PHTF1: variants seen among roughly 807,000 people sequenced by gnomAD.
The protein encoded by PHTF1 is protein PHTF1.
PHTF1 carries 88 observed loss-of-function variants against 102.4 expected under a neutral mutation model. That is an observed-to-expected ratio of 0.86 (90% CI 0.72 to 1.03). The LOEUF is 1.03. Among genes scored for constraint, PHTF1 ranks in the 50% least tolerant of loss-of-function variants. The pLI is 0.00. For missense variants in PHTF1, 814 were observed against 909.5 expected (o/e 0.89, Z 1.35); for synonymous variants, 289 against 305.2 (o/e 0.95, Z 0.55).
At chr1:113,751,955 C>T (rs1242316303) in intron 3 of PHTF1, among the ~76,000 whole-genome samples, 1 of 152,168 alleles carries the variant, frequency 6.6e-6, no homozygotes, top group Admixed American at 6.5e-5. Context: ...TCTTCCAACA[C>T]TATTCTTTTT....
intron 6 of PHTF1, 119 bp from the exon 7 acceptor site, chr1:113,725,012 T>C: frequency 1.4e-6 from 1 of 716,948 alleles, no homozygotes; most frequent in Non-Finnish European, 2.2e-6. Flanking sequence ...ATAGTTTAAC[T>C]TCATATTCTG....
At chr1:113,706,851 C>CTTTTTTTTTTTTTTTTTT (rs11363653) in intron 11 of PHTF1, 129 bp from the exon 12 acceptor site, 1 of 202,536 alleles carries the variant, frequency 4.9e-6, no homozygotes, top group Admixed American at 8.7e-5. Flanking sequence ...TTCTTTCTTT[C>CTTTTTTTTTTTTTTTTTT]TTTTTTTTTT....
chr1:113,703,246 AATGT>A (rs1323135528), intron 15 of PHTF1, among the ~76,000 whole-genome samples: 3 of 152,246 alleles, frequency 2.0e-5, no homozygotes, highest in Non-Finnish European at 4.4e-5. Flanking sequence ...AATAAAACTG[AATGT>A]ATGCTGGATA....
intron 3 of PHTF1, among the ~76,000 whole-genome samples, chr1:113,746,531 T>C (rs998829054): frequency 1.1e-4 from 17 of 152,198 alleles, no homozygotes; most frequent in African/African-American, 4.1e-4. Context: ...TTACAGGTAG[T>C]GAATAATTAG....
chr1:113,759,646 T>C (rs1204154049), upstream of PHTF1, among the ~76,000 whole-genome samples: 1 of 152,210 alleles, frequency 6.6e-6, no homozygotes, highest in Non-Finnish European at 1.5e-5. Context: ...TCGCGCGGCA[T>C]ATCGATGGCC....
chr1:113,750,844 C>CAAA (rs529852605), intron 3 of PHTF1, among the ~76,000 whole-genome samples: 3 of 90,506 alleles, frequency 3.3e-5, no homozygotes. Context: ...ACTCTGTCTC[C>CAAA]AAAAAAAAAA....
At chr1:113,756,542 A>G (rs950619651) in intron 3 of PHTF1, among the ~76,000 whole-genome samples, 1 of 152,212 alleles carries the variant, frequency 6.6e-6, no homozygotes, top group African/African-American at 2.4e-5. Context: ...CATAAGATTT[A>G]AGTAAGTATT....
Position 113,706,647 on chromosome 1 carries a change from A to G in PHTF1, c.1345T>C (p.Cys449Arg), listed in dbSNP as rs2101120471. The change falls in exon 12 of 19, where the codon TGC (cysteine) becomes CGC (arginine). Residue 449 changes from cysteine (C) to arginine (R), a missense_variant. Physicochemically the swap from Cys to Arg is radical, Grantham distance 180. Coordinates refer to ENST00000369604, the MANE Select transcript of PHTF1 (RefSeq NM_001323043.2). Reference protein sequence around the residue: ...VSAIIWEGNECKKMDMSVLEI... With the variant: ...VSAIIWEGNERKKMDMSVLEI... Reference sequence around the variant, plus strand: ...AACACAGACATATCCATCTTTTTGCACTCATTCCCCTCCCAGATTATTGCA... The same window carrying G: ...AACACAGACATATCCATCTTTTTGCGCTCATTCCCCTCCCAGATTATTGCA... 1 of 1,611,486 alleles carries G rather than the reference A, an allele frequency of 6.2e-7. No homozygotes were observed. Among genetic ancestry groups the G allele is most frequent in the East Asian group, 2.2e-5 (1 of 44,712 alleles).
At chr1:113,709,879 AAAGC>A (rs1249506793) in intron 11 of PHTF1, among the ~76,000 whole-genome samples, 1 of 152,226 alleles carries the variant, frequency 6.6e-6, no homozygotes, top group Non-Finnish European at 1.5e-5. Context: ...CATTGTTCAA[AAAGC>A]AAGCAATACC....
chr1:113,711,819 G>T lies in PHTF1; in HGVS notation c.974C>A (p.Thr325Lys). ...HLNSQVKKTTTRWCHIVRDSD... is the reference protein window; with the variant it reads ...HLNSQVKKTTKRWCHIVRDSD... ...ATCCCGCACAATATGACACCACCTTGTAGTGGTTTTCTTTACCTGCCAAAA... is the reference window on the plus strand; with the variant it reads ...ATCCCGCACAATATGACACCACCTTTTAGTGGTTTTCTTTACCTGCCAAAA... The change falls in exon 10 of 19, where the codon ACA becomes AAA. Residue 325 changes from threonine (T) to lysine (K), a missense_variant. Coordinates refer to ENST00000369604, the MANE Select transcript of PHTF1 (RefSeq NM_001323043.2). 6.2e-7 allele frequency: 1 copy of T among 1,613,446 alleles called. No individual in the cohort carries two copies. The highest frequency in any genetic ancestry group is 1.7e-5 in the Admixed American group (1 of 60,008).
intron 2 of PHTF1, 64 bp from the exon 3 acceptor site, chr1:113,757,819 G>A: frequency 9.4e-7 from 1 of 1,063,400 alleles, no homozygotes; most frequent in Non-Finnish European, 1.5e-6. Flanking sequence ...ATTAAGTCAA[G>A]CCTCATAAAA....
At chr1:113,730,249 G>A (rs1397998911) in intron 5 of PHTF1, among the ~76,000 whole-genome samples, 2 of 150,390 alleles carry the variant, frequency 1.3e-5, no homozygotes, top group African/African-American at 2.4e-5. Context: ...AAAAAAAAAA[G>A]CATTGTATTA....
At chr1:113,706,468 A>G (rs1421280211) in intron 12 of PHTF1, 126 bp downstream of exon 12, 2 of 569,154 alleles carry the variant, frequency 3.5e-6, no homozygotes, top group Non-Finnish European at 5.7e-6. Context: ...GTTATTATAT[A>G]TAATATGATA....
chr1:113,758,143 A>G (rs1241636725), intron 2 of PHTF1, among the ~76,000 whole-genome samples: 1 of 147,016 alleles, frequency 6.8e-6, no homozygotes, highest in African/African-American at 2.5e-5. Context: ...CAGCTACTCC[A>G]GAGGCTGAGC....
At chr1:113,711,509 G>C (rs1479643120) in intron 10 of PHTF1, among the ~76,000 whole-genome samples, 1 of 152,136 alleles carries the variant, frequency 6.6e-6, no homozygotes, top group African/African-American at 2.4e-5. Context: ...TAGGGATTAA[G>C]TAACCTCCTG....
intron 3 of PHTF1, among the ~76,000 whole-genome samples, chr1:113,757,101 A>T (rs1472136779): frequency 6.6e-6 from 1 of 152,174 alleles, no homozygotes; most frequent in Non-Finnish European, 1.5e-5. Flanking sequence ...CAGGAGGCGG[A>T]GCTTGCAGTG....
chr1:113,738,950 C>A, intron 3 of PHTF1, 151 bp from the exon 4 acceptor site: 1 of 475,746 alleles, frequency 2.1e-6, no homozygotes, highest in South Asian at 3.0e-5. Context: ...CTCCCAGGTT[C>A]AAGTGATTCT....
In PHTF1 at chr1:113,759,025, A is replaced by G; in HGVS notation, c.-33T>C. ...GCTCGCCCGCGTCCGGCTCTCACCT[A>G]GTGCCCGTTGCCCCGCGGGCCGGCG... On this transcript the variant is annotated splice_region_variant and 5_prime_UTR_variant, in exon 1 of 19. It removes the in-frame stop codon of an upstream open reading frame in the 5' UTR. Transcript: ENST00000369604. 1 of 1,040,154 alleles carries G rather than the reference A, an allele frequency of 9.6e-7. No homozygotes were observed. The highest frequency in any genetic ancestry group is 1.2e-6 in the Non-Finnish European group (1 of 866,502). The allele number at this position is 1,040,154 out of a possible 1,614,324, so 64.4% of individuals were successfully genotyped here.
intron 13 of PHTF1, among the ~76,000 whole-genome samples, chr1:113,705,015 ACT>A (rs760272208): frequency 2.0e-5 from 3 of 152,240 alleles, no homozygotes; most frequent in Non-Finnish European, 2.9e-5. Flanking sequence ...AATGTGGTAC[ACT>A]CAACATTTGC....
Sources: gnomAD v4.1 joint callset for allele counts (sites outside exome capture counted in the v4.1 genomes callset) on GRCh38, gnomAD v4.1.1 for gene constraint, MANE v1.5 for transcripts, NCBI Gene and HGNC (gene_info 2026-07-23, HGNC 2026-07-21) for gene names.